Variants in TFAP2A observed in about 807,000 individuals in gnomAD.
The protein encoded by TFAP2A is transcription factor AP-2-alpha.
TFAP2A carries 7 observed loss-of-function variants against 41.5 expected under a neutral mutation model. The ratio of observed to expected loss-of-function variants is 0.17; its 90% CI spans 0.10 to 0.32. The LOEUF is 0.32. Ranked by LOEUF, TFAP2A falls within the 10% of genes least tolerant of loss-of-function variation. The pLI, the probability that TFAP2A is intolerant of heterozygous loss-of-function variation, is 1.00. For missense variants in TFAP2A, 416 were observed against 563.3 expected (o/e 0.74, Z 2.65); for synonymous variants, 247 against 242.8 (o/e 1.02, Z -0.16).
rs546616801 is a variant in TFAP2A, at chr6:10,399,280, A to C, written c.1032-575T>G. On this transcript the variant is annotated intron_variant, in intron 6 of 6. Transcript: ENST00000379613. ...TTTGCCTTTAAAAAACAAGAATAAC[A>C]AAAAAACAAAACGGGCCCACACAAG... 3.3e-5 allele frequency among the ~76,000 whole-genome samples: 5 copies of C among 152,340 alleles called. 1 individual carries two copies. The South Asian group carries it at 1.0e-3, about 32-fold the overall frequency.
intron 5 of TFAP2A, among the ~76,000 whole-genome samples, chr6:10,401,254 A>C (rs779396753): frequency 6.6e-6 from 1 of 152,220 alleles, no homozygotes; most frequent in Non-Finnish European, 1.5e-5. Context: ...GTTCTCCAGA[A>C]ACTGCCTCCC....
intron 1 of TFAP2A, 110 bp downstream of exon 1, chr6:10,414,831 A>C: frequency 6.9e-7 from 1 of 1,450,674 alleles, no homozygotes. Flanking sequence ...CGCTGGGGAA[A>C]GTTTGTCCCA....
intron 4 of TFAP2A, among the ~76,000 whole-genome samples, chr6:10,403,001 C>G (rs1581260328): frequency 2.0e-5 from 3 of 152,364 alleles, no homozygotes; most frequent in Admixed American, 2.0e-4. Context: ...ACTGTCTTTG[C>G]AAGATATGCT....
At chr6:10,402,174 A>C (rs983435672) in intron 5 of TFAP2A, 5 of 402,830 alleles carry the variant, frequency 1.2e-5, no homozygotes, top group South Asian at 1.9e-5. Context: ...GAATAACTTA[A>C]GTTATTTACT....
At chr6:10,415,358 T>G, upstream of TFAP2A, 4 of 1,078,664 alleles carry the variant, frequency 3.7e-6, no homozygotes, top group Non-Finnish European at 4.8e-6. Context: ...TACCACAATC[T>G]GCCGCCGGCC....
chr6:10,397,914 C>CTTTTTTTTTTTT lies in TFAP2A; in HGVS notation c.*491_*502dup, dbSNP rs544361557. 1.7e-6 allele frequency: 1 copy of CTTTTTTTTTTTT among 601,612 alleles called. No individual in the cohort carries two copies. The allele number at this position is 601,612 out of a possible 1,614,324, so 37.3% of individuals were successfully genotyped here. A position where few individuals can be genotyped will look rare whatever the true frequency, so the allele number is the denominator to read the frequency against. On this transcript the variant is annotated 3_prime_UTR_variant, in exon 7 of 7. Coordinates refer to ENST00000379613, the MANE Select transcript of TFAP2A (RefSeq NM_001372066.1). ...TAAAAATGTTGTCATCATCTTTTGG[C>CTTTTTTTTTTTT]TTTTTTTTTTTTTTTAAGTATGGCT...
intron 1 of TFAP2A, 98 bp downstream of exon 1, chr6:10,414,843 C>G (rs557121271): frequency 6.5e-7 from 1 of 1,536,766 alleles, no homozygotes; most frequent in East Asian, 2.3e-5. Context: ...TTTGTCCCAC[C>G]CGCGTTTCGC....
intron 2 of TFAP2A, chr6:10,407,097 G>C (rs1355110310): frequency 4.1e-5 from 22 of 534,202 alleles, no homozygotes; most frequent in Non-Finnish European, 6.7e-5. Flanking sequence ...GTGGAGATGG[G>C]GAATAAAACT....
chr6:10,406,575 A>C, intron 3 of TFAP2A: 2 of 585,546 alleles, frequency 3.4e-6, no homozygotes, highest in Non-Finnish European at 6.1e-6. Context: ...AAACTAAATT[A>C]AATGGTCAAA....
intron 2 of TFAP2A, 120 bp downstream of exon 2, chr6:10,409,780 GT>G (rs1561713135): frequency 2.4e-6 from 3 of 1,247,448 alleles, no homozygotes; most frequent in Non-Finnish European, 1.1e-6. Flanking sequence ...CGAATAAAAT[GT>G]TTTTATAAGG....
intron 1 of TFAP2A, chr6:10,414,685 A>G (rs1167917362): frequency 3.3e-6 from 2 of 611,900 alleles, no homozygotes; most frequent in South Asian, 1.9e-5. Flanking sequence ...TCTTAGGCAC[A>G]GCCAAAATTG....
chr6:10,398,479 G>T lies in TFAP2A; in HGVS notation c.1258C>A (p.Pro420Thr). The change falls in exon 7 of 7, where the codon CCC (proline) becomes ACC (threonine). Residue 420 changes from proline (P) to threonine (T), a missense_variant. By Grantham distance (38) the Pro-to-Thr change is conservative. Coordinates refer to ENST00000379613, the MANE Select transcript of TFAP2A (RefSeq NM_001372066.1). This position sits in a 1 kb window ranked among gnomAD's most constrained non-coding sequence, Gnocchi z 5.3. ...AMDKMYLSNN[P>T]NSHTDNNAKS... ...GCGTTGTTGTCCGTGTGGCTGTTGG[G>T]GTTGTTGCTGAGGTACATTTTGTCC... 3 of 1,614,226 alleles carry T rather than the reference G, an allele frequency of 1.9e-6. No individual in the cohort carries two copies. The highest frequency in any genetic ancestry group is 2.5e-6 in the Non-Finnish European group (3 of 1,180,036).
chr6:10,400,558 C>A lies in TFAP2A; in HGVS notation c.921G>T (p.Gly307=). 2 of 1,614,106 alleles carry A rather than the reference C, an allele frequency of 1.2e-6. No homozygotes were observed. Among genetic ancestry groups the A allele is most frequent in the South Asian group, 1.1e-5 (1 of 91,080 alleles). The change falls in exon 6 of 7, where the codon GGG becomes GGT. Residue 307 remains glycine, a synonymous_variant. Coordinates refer to ENST00000379613, the MANE Select transcript of TFAP2A (RefSeq NM_001372066.1). ...GEAVHLARDF[G]YVCETEFPAK... ...CAGGAAATTCGGTTTCGCACACGTA[C>A]CCAAAGTCCCTGGCTAGGTGGACAG...
intron 5 of TFAP2A, chr6:10,401,994 C>A: frequency 3.8e-6 from 1 of 265,750 alleles, no homozygotes; most frequent in Non-Finnish European, 7.4e-6. Flanking sequence ...TCTTCTTCTC[C>A]AAGAGAAAAG....
chr6:10,419,454 G>A (rs140181319), upstream of TFAP2A: 4,966 of 1,614,108 alleles, frequency 3.1e-3, 15 homozygotes, highest in Non-Finnish European at 3.2e-3. Context: ...TGGACATCGC[G>A]GCTCTGCGCT....
At chr6:10,410,919 G>A (rs1757933091) in intron 1 of TFAP2A, 1 of 159,674 alleles carries the variant, frequency 6.3e-6, no homozygotes, top group South Asian at 1.8e-4. Flanking sequence ...TCCTCTGTTA[G>A]GAGCCTTTTT....
intron 6 of TFAP2A, among the ~76,000 whole-genome samples, chr6:10,399,148 C>T (rs1455985077): frequency 1.3e-5 from 2 of 152,240 alleles, no homozygotes; most frequent in South Asian, 2.1e-4. Flanking sequence ...CCCTGCTCCT[C>T]TAGAGAGACC....
intron 6 of TFAP2A, among the ~76,000 whole-genome samples, chr6:10,399,820 G>A (rs546068317): frequency 8.5e-5 from 13 of 152,266 alleles, no homozygotes; most frequent in East Asian, 1.9e-4. Flanking sequence ...CCCAGGCACC[G>A]ATGGGAATAT....
At position 10,410,043 on chromosome 6, in the gene TFAP2A, C is replaced by G; in HGVS notation, c.344G>C (p.Gly115Ala). The part of the protein sequence containing the change: ...QESGLLHTHR[G>A]LPHQLSGLDP... ...CAGGCCCGACAGCTGGTGAGGCAGCCCCCGGTGCGTGTGCAGGAGCCCAGA... is the reference window on the plus strand; with the variant it reads ...CAGGCCCGACAGCTGGTGAGGCAGCGCCCGGTGCGTGTGCAGGAGCCCAGA... Residue 115 changes from glycine to alanine, a missense_variant, in exon 2 of 7, where the codon GGG becomes GCG. Physicochemically the swap from Gly to Ala is moderately conservative, Grantham distance 60 (BLOSUM62 0). Around this residue, in one of 3 missense-constraint regions of TFAP2A, gnomAD observed 241 missense variants for 274.1 expected, o/e 0.88. Transcript: ENST00000379613. 6.2e-7 allele frequency: 1 copy of G among 1,612,872 alleles called. No homozygotes were observed. Among genetic ancestry groups the G allele is most frequent in the Non-Finnish European group, 8.5e-7 (1 of 1,179,816 alleles).
Sources: gnomAD v4.1 joint callset for allele counts (sites outside exome capture counted in the v4.1 genomes callset) on GRCh38, gnomAD v4.1.1 for gene constraint, gnomAD v4.1.1 regional missense constraint, Gnocchi (gnomAD v3.1) non-coding constraint, MANE v1.5 for transcripts, NCBI Gene and HGNC (gene_info 2026-07-23, HGNC 2026-07-21) for gene names.